The following ROBO1 variants were observed in gnomAD, a reference collection of about 807,000 sequenced individuals.
The protein encoded by ROBO1 is roundabout homolog 1.
ROBO1 carries 149 observed loss-of-function variants against 195.9 expected under a neutral mutation model. The observed-to-expected ratio is 0.76, with a 90% CI of 0.67 to 0.87. The LOEUF (loss-of-function observed/expected upper bound fraction) is 0.87, where lower values mean the gene tolerates loss of function less well. Among genes scored for constraint, ROBO1 ranks in the 40% least tolerant of loss-of-function variants. The probability of loss-of-function intolerance (pLI) is 0.00; values close to 1 mark genes in which losing one functional copy is unlikely to be tolerated. For missense variants in ROBO1, 1,933 were observed against 2,068.3 expected (o/e 0.93, Z 1.27); for synonymous variants, 816 against 733.2 (o/e 1.11, Z -1.82).
At chr3:79,437,752 G>A (rs1218609644) in intron 2 of ROBO1, among the ~76,000 whole-genome samples, 2 of 151,950 alleles carry the variant, frequency 1.3e-5, no homozygotes, top group Non-Finnish European at 2.9e-5. Flanking sequence ...TATAGTGGGA[G>A]TTGGTGATGA....
chr3:79,064,315 G>C (rs533985621), intron 3 of ROBO1, among the ~76,000 whole-genome samples: 1 of 151,810 alleles, frequency 6.6e-6, no homozygotes, highest in African/African-American at 2.4e-5. Context: ...TGTATACACT[G>C]ACATACCAAG....
At chr3:79,009,236 G>T (rs1167989970) in intron 3 of ROBO1, among the ~76,000 whole-genome samples, 4 of 150,798 alleles carry the variant, frequency 2.7e-5, no homozygotes, top group Non-Finnish European at 5.9e-5. Context: ...TAACAGGTGT[G>T]AGCCACCACG....
At chr3:79,232,699 C>A (rs74370900) in intron 2 of ROBO1, among the ~76,000 whole-genome samples, 11,074 of 152,146 alleles carry the variant, frequency 0.073, 581 homozygotes, top group Non-Finnish European at 0.11. Flanking sequence ...GGCATAATAT[C>A]TTCAAAGTTA....
At chr3:78,693,377 A>C (rs2107873270) in intron 8 of ROBO1, 1 of 1,491,408 alleles carries the variant, frequency 6.7e-7, no homozygotes, top group East Asian at 2.5e-5. Context: ...ACAAAAAAAG[A>C]AAACATGGAA....
chr3:79,066,388 A>G (rs1576633815), intron 3 of ROBO1, among the ~76,000 whole-genome samples: 2 of 151,898 alleles, frequency 1.3e-5, no homozygotes, highest in Non-Finnish European at 2.9e-5. Flanking sequence ...ACTAAGTTAT[A>G]CATTTGTTTG....
At chr3:78,744,089 T>C (rs2082598464) in intron 5 of ROBO1, among the ~76,000 whole-genome samples, 1 of 152,188 alleles carries the variant, frequency 6.6e-6, no homozygotes, top group South Asian at 2.1e-4. Flanking sequence ...AAAATTACCA[T>C]GTCTAAAACT....
chr3:79,530,307 G>A (rs1294970119), intron 2 of ROBO1, among the ~76,000 whole-genome samples: 4 of 151,764 alleles, frequency 2.6e-5, no homozygotes, highest in Non-Finnish European at 4.4e-5. Context: ...AGGTACCACC[G>A]ACAATGACCC....
intron 1 of ROBO1, among the ~76,000 whole-genome samples, chr3:79,741,953 T>G (rs764301134): frequency 3.3e-5 from 5 of 152,178 alleles, no homozygotes; most frequent in Non-Finnish European, 5.9e-5. Context: ...TGATTTAGGG[T>G]ATCTGGTGGT....
At chr3:78,607,603 C>A (rs1368057165) in intron 28 of ROBO1, among the ~76,000 whole-genome samples, 1 of 152,188 alleles carries the variant, frequency 6.6e-6, no homozygotes, top group Non-Finnish European at 1.5e-5. Flanking sequence ...CCTGGGATAG[C>A]TAACGCTGGG....
chr3:79,302,103 C>A (rs2032988930), intron 2 of ROBO1, among the ~76,000 whole-genome samples: 1 of 152,136 alleles, frequency 6.6e-6, no homozygotes, highest in Non-Finnish European at 1.5e-5. Flanking sequence ...AATGAAGGGA[C>A]CAGACGAAAT....
intron 2 of ROBO1, among the ~76,000 whole-genome samples, chr3:79,457,396 CGTGTGTGTGT>C (rs139242982): frequency 6.7e-6 from 1 of 148,904 alleles, no homozygotes; most frequent in African/African-American, 2.5e-5. Context: ...TGTGTGTGTG[CGTGTGTGTGT>C]GTGTGTGTCT....
At chr3:79,464,770 T>G (rs1937861519) in intron 2 of ROBO1, among the ~76,000 whole-genome samples, 1 of 152,196 alleles carries the variant, frequency 6.6e-6, no homozygotes, top group Non-Finnish European at 1.5e-5. Context: ...TTTTTGTCAC[T>G]TATGTGCTAT....
intron 4 of ROBO1, among the ~76,000 whole-genome samples, chr3:78,844,514 C>G (rs755974315): frequency 6.6e-6 from 1 of 151,936 alleles, no homozygotes; most frequent in South Asian, 2.1e-4. Context: ...CAAGATGGTT[C>G]GCTGGTAAAT....
intron 3 of ROBO1, among the ~76,000 whole-genome samples, chr3:79,023,760 TG>T (rs2078148141): frequency 7.6e-6 from 1 of 132,314 alleles, no homozygotes; most frequent in Non-Finnish European, 1.5e-5. Context: ...TTGAGTGCAG[TG>T]GTGCGATCTC....
chr3:79,162,663 C>T (rs1022329084), intron 2 of ROBO1, among the ~76,000 whole-genome samples: 2 of 152,104 alleles, frequency 1.3e-5, no homozygotes, highest in African/African-American at 2.4e-5. Context: ...GGCAAACTTA[C>T]GTTTGCACCA....
At chr3:79,272,159 G>A (rs2030623635) in intron 2 of ROBO1, among the ~76,000 whole-genome samples, 1 of 151,928 alleles carries the variant, frequency 6.6e-6, no homozygotes, top group Admixed American at 6.6e-5. Context: ...ACTGAGGAAA[G>A]GAGGATATAA....
At chr3:79,645,049 T>G (rs1034667445) in intron 1 of ROBO1, among the ~76,000 whole-genome samples, 18 of 152,046 alleles carry the variant, frequency 1.2e-4, no homozygotes, top group African/African-American at 4.3e-4. Context: ...ATCTTTACAA[T>G]ACAGCAAAAA....
At chr3:79,729,409 C>T (rs1181002141) in intron 1 of ROBO1, among the ~76,000 whole-genome samples, 1 of 151,958 alleles carries the variant, frequency 6.6e-6, no homozygotes, top group Non-Finnish European at 1.5e-5. Flanking sequence ...TTAAAATTTC[C>T]ATATGAAGTA....
chr3:79,480,777 GCTTTA>G (rs999981550), intron 2 of ROBO1, among the ~76,000 whole-genome samples: 10 of 152,072 alleles, frequency 6.6e-5, no homozygotes, highest in African/African-American at 2.4e-4. Flanking sequence ...GATATTATCA[GCTTTA>G]CTTTAACAAA....
Sources: allele counts gnomAD v4.1 joint callset (sites outside exome capture counted in the v4.1 genomes callset), GRCh38; gene constraint gnomAD v4.1.1; transcripts MANE v1.5; gene names NCBI Gene and HGNC (gene_info 2026-07-23, HGNC 2026-07-21).